DARS2: variants seen among roughly 807,000 people sequenced by gnomAD.
The protein encoded by DARS2 is aspartate--tRNA ligase, mitochondrial.
DARS2 carries 63 observed loss-of-function variants against 83.0 expected under a neutral mutation model. That is an observed-to-expected ratio of 0.76 (90% CI 0.62 to 0.94). The LOEUF (loss-of-function observed/expected upper bound fraction) is 0.94, where lower values mean the gene tolerates loss of function less well. Ranked by LOEUF, DARS2 falls within the 40% of genes least tolerant of loss-of-function variation. The pLI is 0.00. For synonymous variants in DARS2, 250 were observed against 269.3 expected (o/e 0.93, Z 0.70); for missense variants, 675 against 774.4 (o/e 0.87, Z 1.52).
rs1377677100 is a variant in DARS2 at position 173,841,056 on chromosome 1, G to A, written c.1128+83G>A. The A allele has an allele frequency of 7.8e-6, 7 of 894,842 alleles. No homozygotes were observed. The East Asian group carries it at 1.2e-4, about 16-fold the overall frequency. 55.4% of individuals were successfully genotyped at this position (894,842 alleles called of 1,614,324 possible). On this transcript the variant is annotated intron_variant, in intron 11 of 16. Transcript: ENST00000649689. ...CCAATACTGTCATATTTAAACTTCA[G>A]AAAGAACAATTCTTTTTAAATAAAA...
chr1:173,849,314 G>A (rs1363264911), intron 12 of DARS2, among the ~76,000 whole-genome samples: 9 of 151,756 alleles, frequency 5.9e-5, no homozygotes, highest in African/African-American at 1.9e-4. Context: ...CGGGCAGATC[G>A]CTTGAAGTCA....
chr1:173,827,665 A>T (rs1652636385), intron 2 of DARS2, among the ~76,000 whole-genome samples: 1 of 152,078 alleles, frequency 6.6e-6, no homozygotes, highest in East Asian at 1.9e-4. Flanking sequence ...AAGTAGGTGG[A>T]TATTTTTCCC....
chr1:173,849,131 T>A (rs1479773618), intron 12 of DARS2, among the ~76,000 whole-genome samples: 1 of 150,132 alleles, frequency 6.7e-6, no homozygotes, highest in Non-Finnish European at 1.5e-5. Context: ...TCTCTGGGGC[T>A]AATTTTTTGG....
rs772486504 is a variant in DARS2, at chr1:173,837,848, A to ACTGCAACCTCCGCCTCC, written c.771-338_771-322dup. 2.0e-3 allele frequency among the ~76,000 whole-genome samples: 301 copies of ACTGCAACCTCCGCCTCC among 151,788 alleles called. 1 individual carries two copies. The highest frequency in any genetic ancestry group is 3.4e-3 in the Non-Finnish European group (234 of 67,950). On this transcript the variant is annotated intron_variant, in intron 8 of 16. Coordinates refer to ENST00000649689, the MANE Select transcript of DARS2 (RefSeq NM_018122.5). ...GAGTGCAATGGCGCAATCTCGGCTCACTGCAACCTCCGCCTCCCTGGTTGA... is the reference window on the plus strand; with the variant it reads ...GAGTGCAATGGCGCAATCTCGGCTCACTGCAACCTCCGCCTCCCTGCAACCTCCGCCTCCCTGGTTGA...
At chr1:173,831,681 C>A in intron 5 of DARS2, 51 bp downstream of exon 5, 1 of 1,364,570 alleles carries the variant, frequency 7.3e-7, no homozygotes, top group Non-Finnish European at 1.0e-6. Flanking sequence ...ATGTTGATGA[C>A]TAGTCAAGTA....
rs977623442 is a variant in DARS2 at position 173,841,499 on chromosome 1, CT to C, written c.1128+534del. Among the ~76,000 whole-genome samples, 26 of 150,652 alleles carry C rather than the reference CT, an allele frequency of 1.7e-4. No individual in the cohort carries two copies. The East Asian group carries it at 3.7e-3, about 21-fold the overall frequency. On this transcript the variant is annotated intron_variant, in intron 11 of 16. Coordinates refer to ENST00000649689, the MANE Select transcript of DARS2 (RefSeq NM_018122.5). Reference sequence around the variant, plus strand: ...CAGATCCGGGGTGTTTTTCTTTTTTCTTTTTTTTCCCCCCTTTTAAACAATG... The same window carrying C: ...CAGATCCGGGGTGTTTTTCTTTTTTCTTTTTTTCCCCCCTTTTAAACAATG...
chr1:173,834,363 A>T, intron 6 of DARS2, 110 bp from the exon 7 acceptor site: 1 of 850,808 alleles, frequency 1.2e-6, no homozygotes, highest in Non-Finnish European at 2.0e-6. Context: ...ATTTCAGCTA[A>T]AATTCTTAAT....
At chr1:173,842,260 T>C (rs908500975) in intron 11 of DARS2, among the ~76,000 whole-genome samples, 3 of 143,122 alleles carry the variant, frequency 2.1e-5, no homozygotes, top group African/African-American at 7.6e-5. Flanking sequence ...GAGTAAGAAC[T>C]CAGGAACTCA....
Position 173,855,248 on chromosome 1 carries a change from T to G in DARS2, c.1674+1343T>G, listed in dbSNP as rs1400290630. Reference sequence around the variant, plus strand: ...CCTCCTGAGTAGCTGGGATTACACGTGCGCACTAACACACCCGGCTATTTT... The same window carrying G: ...CCTCCTGAGTAGCTGGGATTACACGGGCGCACTAACACACCCGGCTATTTT... On this transcript the variant is annotated intron_variant, in intron 15 of 16. Coordinates refer to ENST00000649689, the MANE Select transcript of DARS2 (RefSeq NM_018122.5). 2.6e-5 allele frequency among the ~76,000 whole-genome samples: 4 copies of G among 151,636 alleles called. No individual in the cohort carries two copies. In the South Asian group the frequency reaches 8.3e-4, roughly 32 times the overall value.
chr1:173,832,507 A>T lies in DARS2; in HGVS notation c.493-869A>T, dbSNP rs549177724. 9.8e-5 allele frequency among the ~76,000 whole-genome samples: 15 copies of T among 152,302 alleles called. No homozygotes were observed. The East Asian group carries it at 2.9e-3, about 29-fold the overall frequency. On this transcript the variant is annotated intron_variant, in intron 5 of 16. Coordinates refer to ENST00000649689, the MANE Select transcript of DARS2 (RefSeq NM_018122.5). ...CAAACTAGGCTGGGCATGGTGGCTC[A>T]CACCTGTAATCCCAGCACTTTGGGA...
At chr1:173,836,016 C>T (rs1246813455) in intron 7 of DARS2, among the ~76,000 whole-genome samples, 2 of 151,754 alleles carry the variant, frequency 1.3e-5, no homozygotes, top group Non-Finnish European at 2.9e-5. Flanking sequence ...AAGATCACGC[C>T]ATTGCACTCC....
intron 10 of DARS2, among the ~76,000 whole-genome samples, 177 bp downstream of exon 10, chr1:173,839,723 C>G (rs184400099): frequency 1.3e-5 from 2 of 152,286 alleles, no homozygotes; most frequent in East Asian, 3.9e-4. Flanking sequence ...CAATACAGTG[C>G]TTTCTATCTT....
Position 173,845,287 on chromosome 1 carries a change from A to T in DARS2, c.1187A>T (p.Asn396Ile). The T allele has an allele frequency of 6.2e-7, 1 of 1,609,084 alleles. No individual in the cohort carries two copies. Among genetic ancestry groups the T allele is most frequent in the Non-Finnish European group, 8.5e-7 (1 of 1,175,622 alleles). ...SIRNFAADHF[N>I]QEILPVFLNA... is the part of the protein sequence containing the mutation. ...AGAAACTTTGCAGCTGACCATTTTA[A>T]TCAGGTAAGGAGTTAATTAGAGCAG... The change falls in exon 12 of 17, where the codon AAT becomes ATT. Residue 396 changes from asparagine (N) to isoleucine (I), a missense_variant. Physicochemically the swap from Asn to Ile is moderately radical, Grantham distance 149. Coordinates refer to ENST00000649689, the MANE Select transcript of DARS2 (RefSeq NM_018122.5).
At chr1:173,852,608 G>A (rs1192620346) in intron 13 of DARS2, among the ~76,000 whole-genome samples, 1 of 151,854 alleles carries the variant, frequency 6.6e-6, no homozygotes, top group Non-Finnish European at 1.5e-5. Flanking sequence ...GGGTTCAAGC[G>A]ATTTTCCTGC....
In DARS2 at chr1:173,827,031, A is replaced by G. The variant is rs2068871; in HGVS notation, c.227+245A>G. Among the ~76,000 whole-genome samples the G allele has an allele frequency of 0.082, 12,538 of 152,260 alleles. 739 individuals are homozygous for G. The highest frequency in any genetic ancestry group is 0.32 in the East Asian group (1,637 of 5,166). ...ATCTCAGTAACATCTGTTGAAGGGT[A>G]TAACAACGAAGCTTGATCCACCAGT... On this transcript the variant is annotated intron_variant, in intron 2 of 16. Coordinates refer to ENST00000649689, the MANE Select transcript of DARS2 (RefSeq NM_018122.5).
At chr1:173,850,283 C>CAAAAAAAAAA (rs199872112) in intron 12 of DARS2, 44 bp from the exon 13 acceptor site, 2 of 1,368,454 alleles carry the variant, frequency 1.5e-6, no homozygotes, top group Non-Finnish European at 1.9e-6. Context: ...TCCCACTGTT[C>CAAAAAAAAAA]AAAAAAAAAA....
At chr1:173,837,152 T>G in intron 8 of DARS2, 106 bp downstream of exon 8, 1 of 1,043,138 alleles carries the variant, frequency 9.6e-7, no homozygotes, top group South Asian at 1.3e-5. Flanking sequence ...GATAGAAAAT[T>G]TATGAGAGTT....
chr1:173,838,981 C>T (rs6656255), intron 9 of DARS2, among the ~76,000 whole-genome samples: 12,584 of 152,158 alleles, frequency 0.083, 744 homozygotes, highest in East Asian at 0.32. Flanking sequence ...GTGATCCACC[C>T]GCCTCGGCCT....
intron 14 of DARS2, 42 bp from the exon 15 acceptor site, chr1:173,853,753 C>G (rs1220855708): frequency 1.3e-6 from 2 of 1,575,360 alleles, no homozygotes; most frequent in African/African-American, 2.7e-5. Flanking sequence ...GAACAGAAAA[C>G]CAGACATTTT....
Sources: allele counts gnomAD v4.1 joint callset (sites outside exome capture counted in the v4.1 genomes callset), GRCh38; gene constraint gnomAD v4.1.1; transcripts MANE v1.5; gene names NCBI Gene and HGNC (gene_info 2026-07-23, HGNC 2026-07-21).